Variants in SYT12 observed in about 807,000 individuals in gnomAD.
SYT12 encodes synaptotagmin 12, also known as synaptotagmin-12.
A neutral mutation model predicts 39.5 loss-of-function variants in SYT12; 27 were observed. That is an observed-to-expected ratio of 0.68 (90% confidence interval 0.50 to 0.94). SYT12 has a LOEUF of 0.94. SYT12 is among the 40% of genes least tolerant of loss of function. The probability of loss-of-function intolerance (pLI) is 0.00; values close to 1 mark genes in which losing one functional copy is unlikely to be tolerated. For synonymous variants in SYT12, 233 were observed against 239.7 expected, an observed-to-expected ratio of 0.97 and a Z score of 0.26; for missense variants, 536 against 572.6, an observed-to-expected ratio of 0.94 and a Z score of 0.65.
chr11:67,032,452 C>T (rs900055499), intron 2 of SYT12: 5 of 152,232 alleles, frequency 3.3e-5, no homozygotes, highest in African/African-American at 4.8e-5. Context: ...TCTTGTCATC[C>T]GCATTTTCCA....
intron 7 of SYT12, among the ~76,000 whole-genome samples, chr11:67,046,874 C>G (rs780664503): frequency 4.6e-5 from 7 of 152,214 alleles, no homozygotes; most frequent in Non-Finnish European, 1.0e-4. Context: ...TTAGTAATAG[C>G]AACGCAACCT....
At chr11:67,012,727 C>G (rs1169976004) in intron 3 of SYT12, among the ~76,000 whole-genome samples, 1 of 152,182 alleles carries the variant, frequency 6.6e-6, no homozygotes, top group African/African-American at 2.4e-5. Flanking sequence ...CAGCGTCTCA[C>G]TCATCTAGGA....
In SYT12 at chr11:67,034,699, C is replaced by G. The variant is rs776720650; in HGVS notation, c.89C>G (p.Ala30Gly). Residue 30 changes from alanine to glycine, a missense_variant, in exon 3 of 8, where the codon GCC becomes GGC. Transcript: ENST00000527043. ...GGTGTCTATGCTGCAGGGGCCCTGG[C>G]CCTGCTGGGAATCGCAGCTGTGAGC... ...EVGVYAAGAL[A>G]LLGIAAVSLW... The G allele has an allele frequency of 5.0e-6, 8 of 1,603,358 alleles. No individual in the cohort carries two copies. Among genetic ancestry groups the G allele is most frequent in the Non-Finnish European group, 6.0e-6 (7 of 1,175,854 alleles).
In SYT12 at chr11:67,045,591, T is replaced by C. The variant is rs987057872; in HGVS notation, c.959-153T>C. The C allele has an allele frequency of 9.0e-6, 10 of 1,109,940 alleles. 1 individual carries two copies. The African/African-American group carries it at 9.5e-5, about 11-fold the overall frequency. The allele number at this position is 1,109,940 out of a possible 1,614,324, so 68.8% of individuals were successfully genotyped here. ...AGCCTCAGTTTTCTCATCTGTGAAA[T>C]GGGAAAAATAATAAAGGACCAATGG... On this transcript the variant is annotated intron_variant, in intron 6 of 7. Transcript: ENST00000527043.
chr11:67,045,303 C>T (rs952757313), intron 6 of SYT12, among the ~76,000 whole-genome samples: 3 of 152,012 alleles, frequency 2.0e-5, no homozygotes, highest in Non-Finnish European at 4.4e-5. Context: ...GGGGGGGCAG[C>T]TCCAGGCAGG....
chr11:67,034,744 CG>C lies in SYT12; in HGVS notation c.138del (p.Ser47AlafsTer69). 2 of 1,603,420 alleles carry C rather than the reference CG, an allele frequency of 1.2e-6. No homozygotes were observed. Among genetic ancestry groups the C allele is most frequent in the Admixed American group, 1.7e-5 (1 of 57,306 alleles). ...GTGAGCCTGTGGAAGCTCTGGACGT[CG>C]GGGAGCTTCCCCAGCCCCTCTCCGT... ...AAVSLWKLWTSGSFPSPSPFP... is the reference protein window; with the variant it reads ...AAVSLWKLWTXGSFPSPSPFP... On this transcript the variant is annotated frameshift_variant, in exon 3 of 8. Coordinates refer to ENST00000527043, the MANE Select transcript of SYT12 (RefSeq NM_177963.4). LOFTEE classifies it high-confidence loss of function.
At chr11:67,008,356 C>G (rs1189874636) in intron 1 of SYT12, among the ~76,000 whole-genome samples, 1 of 152,124 alleles carries the variant, frequency 6.6e-6, no homozygotes, top group African/African-American at 2.4e-5. Context: ...TTGAATCCCA[C>G]CTCTGTCACC....
rs892227950 is a variant in SYT12 at position 67,023,309 on chromosome 11, C to T, written c.-175C>T. ...GCCCCGGCCCGGCCGAGCCCCCGGC[C>T]CGCGCCGCGCTCCTCGGAGGCGGGA... is the stretch of plus-strand genomic sequence containing the variant. On this transcript the variant is annotated 5_prime_UTR_variant, in exon 1 of 8. Transcript: ENST00000527043. 1.3e-5 allele frequency: 2 copies of T among 148,190 alleles called. No individual in the cohort carries two copies. Among genetic ancestry groups the T allele is most frequent in the Non-Finnish European group, 3.0e-5 (2 of 66,438 alleles). 9.2% of individuals were successfully genotyped at this position (148,190 alleles called of 1,614,324 possible).
At chr11:67,039,324 C>G (rs756326462) in intron 3 of SYT12, among the ~76,000 whole-genome samples, 4 of 141,058 alleles carry the variant, frequency 2.8e-5, no homozygotes, top group Non-Finnish European at 6.1e-5. Context: ...TTTCATATAC[C>G]CCTAGGCTGG....
At chr11:67,048,184 T>C (rs1002586450) in intron 7 of SYT12, among the ~76,000 whole-genome samples, 5 of 150,462 alleles carry the variant, frequency 3.3e-5, no homozygotes, top group Non-Finnish European at 7.4e-5. Flanking sequence ...AGCAGGAGAA[T>C]TGCTTGAACC....
rs1229343245 is a variant in SYT12 at position 67,034,727 on chromosome 11, G to A, written c.117G>A (p.Leu39=). Residue 39 remains leucine (L), a synonymous_variant, in exon 3 of 8, where the codon CTG becomes CTA. Transcript: ENST00000527043. ...LALLGIAAVS[L]WKLWTSGSFP... ...TGCTGGGAATCGCAGCTGTGAGCCT[G>A]TGGAAGCTCTGGACGTCGGGGAGCT... is the stretch of plus-strand genomic sequence containing the variant. The A allele has an allele frequency of 5.0e-6, 8 of 1,602,772 alleles. No homozygotes were observed. The highest frequency in any genetic ancestry group is 6.8e-6 in the Non-Finnish European group (8 of 1,175,778).
At position 67,048,819 on chromosome 11, in the gene SYT12, C is replaced by T. The variant is rs1422304166; in HGVS notation, c.*62C>T. 6.5e-7 allele frequency: 1 copy of T among 1,539,970 alleles called. No homozygotes were observed. Among genetic ancestry groups the T allele is most frequent in the Non-Finnish European group, 8.8e-7 (1 of 1,136,970 alleles). On this transcript the variant is annotated 3_prime_UTR_variant, in exon 8 of 8. Transcript: ENST00000527043. ...GAGCCCGGTACCCACTCAGCTCTGTCTGATGCCCTCTCCATAGCCCAGCTG... is the reference window on the plus strand; with the variant it reads ...GAGCCCGGTACCCACTCAGCTCTGTTTGATGCCCTCTCCATAGCCCAGCTG...
intron 1 of SYT12, among the ~76,000 whole-genome samples, chr11:67,008,912 T>G (rs1243087690): frequency 6.6e-6 from 1 of 152,080 alleles, no homozygotes; most frequent in Non-Finnish European, 1.5e-5. Flanking sequence ...AAAGGAACCT[T>G]GGTGATAGAG....
chr11:67,013,695 C>T (rs1950031558), intron 3 of SYT12, among the ~76,000 whole-genome samples: 1 of 152,216 alleles, frequency 6.6e-6, no homozygotes, highest in Non-Finnish European at 1.5e-5. Context: ...TGGCCCCCGG[C>T]GCAGGGCCTC....
At position 67,037,897 on chromosome 11, in the gene SYT12, GA is replaced by G. The variant is rs1202597278; in HGVS notation, c.229-1903del. Among the ~76,000 whole-genome samples the G allele has an allele frequency of 3.5e-4, 48 of 135,938 alleles. 1 individual carries two copies. The highest frequency in any genetic ancestry group is 1.2e-3 in the South Asian group (5 of 4,050). The allele number at this position is 135,938 out of a possible 152,430, so 89.2% of individuals were successfully genotyped here. On this transcript the variant is annotated intron_variant, in intron 3 of 7. Coordinates refer to ENST00000527043, the MANE Select transcript of SYT12 (RefSeq NM_177963.4). ...GCTCCCCCTCAGAAAAAAAAAAAAA[GA>G]AAAAAAAAAAGCCAGGTGTAGTAGG... is the stretch of plus-strand genomic sequence containing the variant.
At chr11:67,028,825 A>G (rs1950216755) in intron 1 of SYT12, 1 of 152,240 alleles carries the variant, frequency 6.6e-6, no homozygotes, top group Non-Finnish European at 1.5e-5. Context: ...CCAGAAGATC[A>G]AGCCACGGTG....
At chr11:67,008,310 T>C (rs1389209340) in intron 1 of SYT12, among the ~76,000 whole-genome samples, 1 of 152,212 alleles carries the variant, frequency 6.6e-6, no homozygotes, top group East Asian at 1.9e-4. Flanking sequence ...TCACTGCTTA[T>C]TCATCAACTC....
upstream of SYT12, among the ~76,000 whole-genome samples, chr11:67,021,295 C>T (rs1950107038): frequency 6.6e-6 from 1 of 152,058 alleles, no homozygotes; most frequent in South Asian, 2.1e-4. Context: ...CCCAGTGTGA[C>T]ACCAGAACTG....
At chr11:67,019,509 A>G (rs953069140), upstream of SYT12, among the ~76,000 whole-genome samples, 1 of 151,502 alleles carries the variant, frequency 6.6e-6, no homozygotes, top group Admixed American at 6.6e-5. Flanking sequence ...GAGACTTACT[A>G]CCACGAGAAC....
Sources: gnomAD v4.1 joint callset for allele counts (sites outside exome capture counted in the v4.1 genomes callset) on GRCh38, gnomAD v4.1.1 for gene constraint, MANE v1.5 for transcripts, NCBI Gene and HGNC (gene_info 2026-07-23, HGNC 2026-07-21) for gene names.